FAM227B: variants seen among roughly 807,000 people sequenced by gnomAD.
FAM227B encodes protein FAM227B.
FAM227B carries 88 observed loss-of-function variants against 73.8 expected under a neutral mutation model. The ratio of observed to expected loss-of-function variants is 1.19; its 90% CI spans 1.00 to 1.42. The LOEUF (loss-of-function observed/expected upper bound fraction) is 1.42, where lower values mean the gene tolerates loss of function less well. Ranked by LOEUF, FAM227B falls within the 40% of genes most tolerant of loss-of-function variation. The pLI, the probability that FAM227B is intolerant of heterozygous loss-of-function variation, is 0.00. For synonymous variants in FAM227B, 210 were observed against 190.5 expected, an observed-to-expected ratio of 1.10 and a Z score of -0.84; for missense variants, 632 against 590.9, an observed-to-expected ratio of 1.07 and a Z score of -0.72.
intron 11 of FAM227B, among the ~76,000 whole-genome samples, chr15:49,399,398 ACAG>A (rs1431136064): frequency 6.6e-6 from 1 of 150,672 alleles, no homozygotes; most frequent in Non-Finnish European, 1.5e-5. Flanking sequence ...AGATGGATTC[ACAG>A]CCGAATTCTA....
At chr15:49,500,612 T>G (rs905429634) in intron 11 of FAM227B, among the ~76,000 whole-genome samples, 1 of 152,240 alleles carries the variant, frequency 6.6e-6, no homozygotes, top group African/African-American at 2.4e-5. Flanking sequence ...CAAGTGTTAG[T>G]AAGGAAGTAA....
At chr15:49,420,127 A>T (rs1244339773) in intron 11 of FAM227B, among the ~76,000 whole-genome samples, 1 of 152,200 alleles carries the variant, frequency 6.6e-6, no homozygotes. Flanking sequence ...TAAGTTGGCA[A>T]TATCTTTTTT....
At chr15:49,366,519 G>C in intron 13 of FAM227B, 1 of 1,447,550 alleles carries the variant, frequency 6.9e-7, no homozygotes, top group African/African-American at 1.4e-5. Flanking sequence ...GCATTTTCTA[G>C]GGTACTTGGA....
intron 11 of FAM227B, among the ~76,000 whole-genome samples, chr15:49,475,326 T>C (rs1173668504): frequency 2.0e-5 from 3 of 152,256 alleles, no homozygotes; most frequent in South Asian, 2.1e-4. Context: ...AAAAGTTAAA[T>C]TGAAGAAAAA....
At chr15:49,540,142 G>T (rs185804928) in intron 10 of FAM227B, among the ~76,000 whole-genome samples, 1 of 152,190 alleles carries the variant, frequency 6.6e-6, no homozygotes, top group African/African-American at 2.4e-5. Context: ...AGAGCCAGCA[G>T]TGTCCTGTGT....
chr15:49,346,293 C>T (rs1206210286), intron 13 of FAM227B, among the ~76,000 whole-genome samples: 1 of 152,200 alleles, frequency 6.6e-6, no homozygotes, highest in Non-Finnish European at 1.5e-5. Flanking sequence ...AAAAACTCTA[C>T]CCTCAGGTTG....
At position 49,335,477 on chromosome 15, in the gene FAM227B, G is replaced by A. The variant is rs371011363; in HGVS notation, c.1291C>T (p.Arg431Cys). ...FQEPLPAPTYRDVIKEAKRQF... is the reference protein window; with the variant it reads ...FQEPLPAPTYCDVIKEAKRQF... ...CTTTTTGCCTCCTTTATAACATCACGGTATGTTGGAGCAGGTAGTGTGCTA... is the reference window on the plus strand; with the variant it reads ...CTTTTTGCCTCCTTTATAACATCACAGTATGTTGGAGCAGGTAGTGTGCTA... Residue 431 changes from arginine to cysteine, a missense_variant, in exon 14 of 16, where the codon CGT becomes TGT. Physicochemically the swap from Arg to Cys is radical, Grantham distance 180. Coordinates refer to ENST00000299338, the MANE Select transcript of FAM227B (RefSeq NM_152647.3). 2.4e-5 allele frequency: 38 copies of A among 1,613,156 alleles called. No homozygotes were observed. The highest frequency in any genetic ancestry group is 4.4e-5 in the South Asian group (4 of 91,022).
At chr15:49,584,950 A>G (rs1189061701) in intron 5 of FAM227B, among the ~76,000 whole-genome samples, 1 of 152,150 alleles carries the variant, frequency 6.6e-6, no homozygotes, top group Non-Finnish European at 1.5e-5. Flanking sequence ...CATCTGACAA[A>G]GGGCTAATAT....
intron 11 of FAM227B, among the ~76,000 whole-genome samples, chr15:49,504,006 G>A (rs983790224): frequency 6.6e-6 from 1 of 151,962 alleles, no homozygotes; most frequent in African/African-American, 2.4e-5. Context: ...ATTCACAATA[G>A]CAAAGACTTG....
At chr15:49,424,209 T>G in intron 11 of FAM227B, 2 of 1,154,668 alleles carry the variant, frequency 1.7e-6, no homozygotes, top group Non-Finnish European at 2.5e-6. Context: ...AATTCACAGA[T>G]AGGAAGAGGT....
intron 14 of FAM227B, among the ~76,000 whole-genome samples, chr15:49,332,790 G>T (rs1345691648): frequency 6.6e-6 from 1 of 152,132 alleles, no homozygotes; most frequent in Admixed American, 6.5e-5. Context: ...TTAACCCCTT[G>T]CCAGGCCTAG....
chr15:49,437,361 A>AC (rs994056383), intron 11 of FAM227B, among the ~76,000 whole-genome samples: 1 of 151,684 alleles, frequency 6.6e-6, no homozygotes, highest in African/African-American at 2.4e-5. Context: ...GTGAAAAAGA[A>AC]ACAGTTTACT....
intron 11 of FAM227B, among the ~76,000 whole-genome samples, chr15:49,451,083 T>A (rs2052685759): frequency 6.6e-6 from 1 of 152,130 alleles, no homozygotes; most frequent in Non-Finnish European, 1.5e-5. Context: ...AAGTCAGATA[T>A]AATCCCATGA....
At chr15:49,511,136 G>A (rs2058966778) in intron 10 of FAM227B, among the ~76,000 whole-genome samples, 1 of 151,878 alleles carries the variant, frequency 6.6e-6, no homozygotes, top group Admixed American at 6.6e-5. Flanking sequence ...TTATTTCTTT[G>A]CTTTCTCTCT....
chr15:49,362,035 G>A (rs954998546), intron 13 of FAM227B, among the ~76,000 whole-genome samples: 1 of 152,124 alleles, frequency 6.6e-6, no homozygotes, highest in African/African-American at 2.4e-5. Flanking sequence ...TGGGTTACGT[G>A]TATGTCTTCT....
intron 11 of FAM227B, among the ~76,000 whole-genome samples, chr15:49,381,619 G>C (rs1431866936): frequency 6.6e-6 from 1 of 152,140 alleles, no homozygotes; most frequent in Non-Finnish European, 1.5e-5. Flanking sequence ...TGAAATTTTA[G>C]TAGATATTCC....
intron 9 of FAM227B, among the ~76,000 whole-genome samples, chr15:49,557,243 G>A (rs1350140072): frequency 6.6e-6 from 1 of 151,804 alleles, no homozygotes; most frequent in Non-Finnish European, 1.5e-5. Context: ...AAATATATAT[G>A]TCTTTTTTTT....
At chr15:49,456,328 G>T (rs74012382) in intron 11 of FAM227B, among the ~76,000 whole-genome samples, 3,716 of 152,108 alleles carry the variant, frequency 0.024, 180 homozygotes, top group African/African-American at 0.086. Context: ...TTTAGAAGTT[G>T]AAAGAAATAA....
At chr15:49,377,800 T>C (rs762897041) in intron 11 of FAM227B, among the ~76,000 whole-genome samples, 1 of 152,160 alleles carries the variant, frequency 6.6e-6, no homozygotes, top group Non-Finnish European at 1.5e-5. Flanking sequence ...TTTCTGCCAT[T>C]CTGTGGGTTG....
Sources: allele counts gnomAD v4.1 joint callset (sites outside exome capture counted in the v4.1 genomes callset), GRCh38; gene constraint gnomAD v4.1.1; transcripts MANE v1.5; gene names NCBI Gene and HGNC (gene_info 2026-07-23, HGNC 2026-07-21).